Variants in LMX1A observed in about 807,000 individuals in gnomAD.
The protein encoded by LMX1A is LIM homeobox transcription factor 1 alpha.
LMX1A carries 15 observed loss-of-function variants against 49.1 expected under a neutral mutation model. That is an observed-to-expected ratio of 0.31 (90% confidence interval 0.20 to 0.47). The LOEUF (loss-of-function observed/expected upper bound fraction) is 0.47, where lower values mean the gene tolerates loss of function less well. Ranked by LOEUF, LMX1A falls within the 20% of genes least tolerant of loss-of-function variation. The pLI, the probability that LMX1A is intolerant of heterozygous loss-of-function variation, is 1.00. For missense variants in LMX1A, 372 were observed against 475.8 expected, an observed-to-expected ratio of 0.78 and a Z score of 2.03; for synonymous variants, 167 against 185.7, an observed-to-expected ratio of 0.90 and a Z score of 0.82.
At chr1:165,309,528 T>C (rs1213341755) in intron 3 of LMX1A, among the ~76,000 whole-genome samples, 1 of 152,198 alleles carries the variant, frequency 6.6e-6, no homozygotes, top group Admixed American at 6.5e-5. Context: ...TGGCTTCTTC[T>C]TTTCCTTGAG....
At chr1:165,244,216 T>A (rs190229727) in intron 4 of LMX1A, among the ~76,000 whole-genome samples, 382 of 152,310 alleles carry the variant, frequency 2.5e-3, no homozygotes, top group African/African-American at 8.7e-3. Flanking sequence ...CCCCATACCT[T>A]GCCCTATGAA....
At chr1:165,302,945 T>C (rs1654819978) in intron 3 of LMX1A, among the ~76,000 whole-genome samples, 1 of 152,248 alleles carries the variant, frequency 6.6e-6, no homozygotes, top group Admixed American at 6.5e-5. Flanking sequence ...TTAGCCTATG[T>C]TGTTTGGAAC....
At chr1:165,295,851 A>G (rs1332954834) in intron 3 of LMX1A, among the ~76,000 whole-genome samples, 1 of 152,220 alleles carries the variant, frequency 6.6e-6, no homozygotes, top group African/African-American at 2.4e-5. Flanking sequence ...CATAAAGTTC[A>G]TGTTGCTGTT....
chr1:165,355,879 T>C lies in LMX1A; in HGVS notation c.-22-298A>G. 2.6e-6 allele frequency: 1 copy of C among 387,296 alleles called. No homozygotes were observed. The highest frequency in any genetic ancestry group is 3.7e-5 in the South Asian group (1 of 27,372). 24.0% of individuals were successfully genotyped at this position (387,296 alleles called of 1,614,324 possible). A position where few individuals can be genotyped will look rare whatever the true frequency, so the allele number is the denominator to read the frequency against. The stretch of plus-strand genomic sequence containing the variant: ...CCACCTACATCCCTTGCCCCAGGTT[T>C]TCCATCCCGAATCCGACTCCGCCCC... On this transcript the variant is annotated intron_variant, in intron 1 of 8. Transcript: ENST00000342310. This position sits in a 1 kb window ranked among gnomAD's most constrained non-coding sequence, Gnocchi z 4.7.
intron 3 of LMX1A, among the ~76,000 whole-genome samples, chr1:165,291,891 G>A (rs1488911186): frequency 6.6e-6 from 1 of 151,654 alleles, no homozygotes; most frequent in Non-Finnish European, 1.5e-5. Context: ...GTGAAACCCC[G>A]TCTCTACTAA....
chr1:165,222,340 G>A (rs190790151), intron 4 of LMX1A, among the ~76,000 whole-genome samples: 169 of 152,290 alleles, frequency 1.1e-3, no homozygotes, highest in African/African-American at 2.7e-3. Context: ...ACTAGGCTTG[G>A]AGTATTATAT....
intron 3 of LMX1A, among the ~76,000 whole-genome samples, chr1:165,330,738 CT>C (rs1655722208): frequency 6.6e-6 from 1 of 152,136 alleles, no homozygotes; most frequent in African/African-American, 2.4e-5. Flanking sequence ...AACCCATAGT[CT>C]TACTGACTAG....
chr1:165,270,666 G>A (rs1007780543), intron 3 of LMX1A, among the ~76,000 whole-genome samples: 1 of 152,190 alleles, frequency 6.6e-6, no homozygotes, highest in Non-Finnish European at 1.5e-5. Flanking sequence ...GTTTGAGTGG[G>A]ATGGAAGAGG....
At chr1:165,306,128 T>G (rs1217502042) in intron 3 of LMX1A, among the ~76,000 whole-genome samples, 2 of 152,296 alleles carry the variant, frequency 1.3e-5, no homozygotes, top group Non-Finnish European at 2.9e-5. Context: ...TACCCACCCA[T>G]CAGACATCCT....
chr1:165,217,270 A>G (rs192691770), intron 4 of LMX1A, among the ~76,000 whole-genome samples: 48 of 152,284 alleles, frequency 3.2e-4, no homozygotes, highest in Admixed American at 2.0e-3. Context: ...TCAGAGCCCC[A>G]GAGGCAGGAT....
chr1:165,349,533 T>C (rs183913177), intron 3 of LMX1A, among the ~76,000 whole-genome samples: 2 of 152,352 alleles, frequency 1.3e-5, no homozygotes, highest in East Asian at 3.9e-4. Flanking sequence ...AATTTTTCCA[T>C]GTTGACATGT....
At chr1:165,238,800 C>T (rs929891031) in intron 4 of LMX1A, among the ~76,000 whole-genome samples, 4 of 152,162 alleles carry the variant, frequency 2.6e-5, no homozygotes, top group Non-Finnish European at 5.9e-5. Context: ...TTTAAATGAC[C>T]AGGCAACACA....
intron 3 of LMX1A, among the ~76,000 whole-genome samples, chr1:165,273,708 CAT>C (rs1366445275): frequency 6.6e-6 from 1 of 152,146 alleles, no homozygotes; most frequent in Non-Finnish European, 1.5e-5. Context: ...ATCACAAAAA[CAT>C]ATATTGTCCT....
chr1:165,310,150 A>G (rs1447048379), intron 3 of LMX1A, among the ~76,000 whole-genome samples: 1 of 152,186 alleles, frequency 6.6e-6, no homozygotes, highest in East Asian at 1.9e-4. Context: ...AGTTTTGTAA[A>G]GGCAGGGACA....
At chr1:165,346,789 C>T (rs561897364) in intron 3 of LMX1A, among the ~76,000 whole-genome samples, 36 of 152,172 alleles carry the variant, frequency 2.4e-4, no homozygotes, top group Non-Finnish European at 4.9e-4. Context: ...TGAAAACAAA[C>T]ATGTAGCAAG....
intron 3 of LMX1A, among the ~76,000 whole-genome samples, chr1:165,322,505 C>T (rs144122583): frequency 6.6e-4 from 100 of 152,220 alleles, no homozygotes; most frequent in Middle Eastern, 6.8e-3. Context: ...TAAAAAGGAA[C>T]GTAGTACTGA....
At chr1:165,304,522 C>T (rs1654870051) in intron 3 of LMX1A, among the ~76,000 whole-genome samples, 2 of 152,256 alleles carry the variant, frequency 1.3e-5, no homozygotes, top group South Asian at 2.1e-4. Context: ...ATTGGGTCTG[C>T]TCATTTCTAC....
chr1:165,208,877 G>A (rs1338576982), intron 6 of LMX1A, among the ~76,000 whole-genome samples: 1 of 152,140 alleles, frequency 6.6e-6, no homozygotes, highest in East Asian at 1.9e-4. Context: ...TCGATCTCCT[G>A]ATCTCGTGAT....
At chr1:165,303,060 C>T (rs1387632440) in intron 3 of LMX1A, among the ~76,000 whole-genome samples, 1 of 152,172 alleles carries the variant, frequency 6.6e-6, no homozygotes, top group Non-Finnish European at 1.5e-5. Context: ...TGCTTCAAAT[C>T]TTCTTTGGAA....
Sources: gnomAD v4.1 joint callset for allele counts (sites outside exome capture counted in the v4.1 genomes callset) on GRCh38, gnomAD v4.1.1 for gene constraint, Gnocchi (gnomAD v3.1) non-coding constraint, MANE v1.5 for transcripts, NCBI Gene and HGNC (gene_info 2026-07-23, HGNC 2026-07-21) for gene names.